TMEM181: variants seen among roughly 807,000 people sequenced by gnomAD.
The protein encoded by TMEM181 is transmembrane protein 181, also known as G protein-coupled receptor 178.
A neutral mutation model predicts 71.9 loss-of-function variants in TMEM181; 39 were observed. The ratio of observed to expected loss-of-function variants is 0.54; its 90% CI spans 0.42 to 0.71. The LOEUF is 0.71. Among genes scored for constraint, TMEM181 ranks in the 30% least tolerant of loss-of-function variants. The pLI is 0.00. For synonymous variants in TMEM181, 245 were observed against 228.8 expected (o/e 1.07, Z -0.64); for missense variants, 595 against 583.0 (o/e 1.02, Z -0.21).
intron 10 of TMEM181, among the ~76,000 whole-genome samples, chr6:158,609,313 G>A (rs186255838): frequency 1.3e-5 from 2 of 151,744 alleles, no homozygotes; most frequent in Non-Finnish European, 2.9e-5. Context: ...CCCATACTAT[G>A]TTTTTCTTTT....
chr6:158,613,824 GAAAC>G (rs1486931238), intron 10 of TMEM181, among the ~76,000 whole-genome samples: 1 of 152,210 alleles, frequency 6.6e-6, no homozygotes, highest in African/African-American at 2.4e-5. Context: ...TAGGCAGAGA[GAAAC>G]AAACATCTTT....
intron 10 of TMEM181, chr6:158,609,887 C>G (rs907238533): frequency 4.2e-6 from 1 of 235,868 alleles, no homozygotes; most frequent in African/African-American, 2.3e-5. Flanking sequence ...CATGATGATT[C>G]TCTCCAGTGG....
chr6:158,621,694 C>G (rs1721967468), intron 10 of TMEM181: 1 of 152,808 alleles, frequency 6.5e-6, no homozygotes. Context: ...TTCAGAGATG[C>G]CAGCGTGCTT....
intron 3 of TMEM181, among the ~76,000 whole-genome samples, chr6:158,582,672 GA>G (rs1240538364): frequency 6.7e-6 from 1 of 148,290 alleles, no homozygotes; most frequent in Non-Finnish European, 1.5e-5. Flanking sequence ...TCTTAAAAAA[GA>G]AAAAAAAAGA....
intron 12 of TMEM181, among the ~76,000 whole-genome samples, 167 bp from the exon 13 acceptor site, chr6:158,625,536 C>T (rs1227271780): frequency 6.6e-6 from 1 of 152,164 alleles, no homozygotes; most frequent in Admixed American, 6.5e-5. Context: ...CCATCCTGGC[C>T]CTGGGAAGGG....
chr6:158,617,710 T>C (rs1048634626), intron 10 of TMEM181, among the ~76,000 whole-genome samples: 2 of 152,226 alleles, frequency 1.3e-5, no homozygotes, highest in Non-Finnish European at 2.9e-5. Flanking sequence ...AGAACATCTT[T>C]ATTTCTGCCT....
intron 1 of TMEM181, among the ~76,000 whole-genome samples, chr6:158,570,752 T>G (rs531727160): frequency 5.9e-5 from 9 of 152,226 alleles, no homozygotes; most frequent in Admixed American, 5.2e-4. Context: ...TTTATCAAAA[T>G]GAAGACGTTG....
chr6:158,585,729 C>CTG (rs1407077336), intron 5 of TMEM181, among the ~76,000 whole-genome samples: 1 of 152,176 alleles, frequency 6.6e-6, no homozygotes. Flanking sequence ...CTTGTTTTTA[C>CTG]TGTGTGTGTG....
chr6:158,545,527 C>A (rs1259963851), intron 1 of TMEM181, among the ~76,000 whole-genome samples: 1 of 152,260 alleles, frequency 6.6e-6, no homozygotes, highest in Non-Finnish European at 1.5e-5. Flanking sequence ...GCTTTTCCAG[C>A]TGCTGTGGGA....
At chr6:158,617,568 T>G (rs1785689843) in intron 10 of TMEM181, among the ~76,000 whole-genome samples, 1 of 152,218 alleles carries the variant, frequency 6.6e-6, no homozygotes, top group African/African-American at 2.4e-5. Context: ...AATGGTGATG[T>G]TAGGGTGTCA....
chr6:158,602,337 G>A (rs1784715657), intron 6 of TMEM181, among the ~76,000 whole-genome samples: 1 of 152,204 alleles, frequency 6.6e-6, no homozygotes, highest in African/African-American at 2.4e-5. Context: ...CACAAAGAAA[G>A]CAGCGATGAA....
intron 5 of TMEM181, among the ~76,000 whole-genome samples, chr6:158,588,321 T>C (rs529834383): frequency 2.6e-5 from 4 of 152,362 alleles, no homozygotes; most frequent in African/African-American, 9.6e-5. Context: ...ACCTTGGTGC[T>C]GCCTTCAGCC....
rs80053495 is a variant in TMEM181 at position 158,546,433 on chromosome 6, C to T, written c.131+9568C>T. 3.9e-5 allele frequency among the ~76,000 whole-genome samples: 6 copies of T among 152,202 alleles called. No individual in the cohort carries two copies. The East Asian group carries it at 9.6e-4, about 24-fold the overall frequency. The stretch of plus-strand genomic sequence containing the variant: ...TTTCAGCCAAAAAGGGTACACATGA[C>T]GAGAATACAGGGATCATTCACAGAC... On this transcript the variant is annotated intron_variant, in intron 1 of 16. Transcript: ENST00000367090.
chr6:158,562,649 C>T (rs977060811), intron 1 of TMEM181, among the ~76,000 whole-genome samples: 1 of 152,082 alleles, frequency 6.6e-6, no homozygotes, highest in Non-Finnish European at 1.5e-5. Flanking sequence ...TCCTGGGCCT[C>T]CTGAGTCTCC....
chr6:158,544,766 G>A (rs1582915642), intron 1 of TMEM181, among the ~76,000 whole-genome samples: 1 of 152,210 alleles, frequency 6.6e-6, no homozygotes, highest in South Asian at 2.1e-4. Flanking sequence ...CCTCAGGGCT[G>A]TGCTTCTCAG....
chr6:158,633,848 T>C lies in TMEM181; in HGVS notation c.*1960T>C, dbSNP rs1358587423. The C allele has an allele frequency of 6.6e-6, 1 of 152,240 alleles. No homozygotes were observed. Among genetic ancestry groups the C allele is most frequent in the African/African-American group, 2.4e-5 (1 of 41,464 alleles). The allele number at this position is 152,240 out of a possible 1,614,324, so 9.4% of individuals were successfully genotyped here. ...GAAAAAAATTTTCTGTTACCAAATT[T>C]TACAACTTCTAATAAGACTACTATA... On this transcript the variant is annotated 3_prime_UTR_variant, in exon 17 of 17. Coordinates refer to ENST00000684151, the MANE Select transcript of TMEM181 (RefSeq NM_001376852.1).
At chr6:158,564,276 C>T (rs548353285) in intron 1 of TMEM181, among the ~76,000 whole-genome samples, 1 of 152,208 alleles carries the variant, frequency 6.6e-6, no homozygotes, top group Non-Finnish European at 1.5e-5. Context: ...CTGCCCCGAC[C>T]TCCACATTCT....
rs185734564 is a variant in TMEM181 at position 158,631,830 on chromosome 6, C to T, written c.1370C>T (p.Pro457Leu). Residue 457 changes from proline (P) to leucine (L), a missense_variant, in exon 17 of 17, where the codon CCG becomes CTG. Pro to Leu is a moderately conservative substitution (Grantham distance 98, BLOSUM62 -3). Transcript: ENST00000684151. The part of the protein sequence containing the change: ...VIYGSDYEEM[P>L]LQNGQAIRAK... ...CACAGGAGTGACTATGAGGAAATGC[C>T]GCTGCAGAACGGCCAGGCCATCCGG... 1,884 of 1,600,654 alleles carry T rather than the reference C, an allele frequency of 1.2e-3. No homozygotes were observed. Among genetic ancestry groups the T allele is most frequent in the Non-Finnish European group, 1.5e-3 (1,707 of 1,173,258 alleles).
intron 6 of TMEM181, 125 bp from the exon 7 acceptor site, chr6:158,605,131 AGTGTGTGTGTG>A: frequency 1.3e-5 from 2 of 159,686 alleles, no homozygotes; most frequent in Non-Finnish European, 2.3e-5. Context: ...AAAAAAAAAA[AGTGTGTGTGTG>A]TGTGTGTGTG....
Sources: allele counts gnomAD v4.1 joint callset (sites outside exome capture counted in the v4.1 genomes callset), GRCh38; gene constraint gnomAD v4.1.1; transcripts MANE v1.5; gene names NCBI Gene and HGNC (gene_info 2026-07-23, HGNC 2026-07-21).